Variants in DDIAS observed in about 807,000 individuals in gnomAD.
The protein encoded by DDIAS is DNA damage induced apoptosis suppressor.
In DDIAS, 14 loss-of-function variants were observed where a neutral mutation model predicts 15.7. The observed-to-expected ratio is 0.89, with a 90% CI of 0.59 to 1.39. The LOEUF is 1.39. Ranked by LOEUF, DDIAS falls within the 40% of genes most tolerant of loss-of-function variation. The probability of loss-of-function intolerance (pLI) is 0.00; values close to 1 mark genes in which losing one functional copy is unlikely to be tolerated. For synonymous variants in DDIAS, 355 were observed against 395.9 expected, an observed-to-expected ratio of 0.90 and a Z score of 1.23; for missense variants, 1,035 against 1,130.9, an observed-to-expected ratio of 0.92 and a Z score of 1.22.
chr11:82,929,012 C>A lies in DDIAS; in HGVS notation c.275+74C>A. On this transcript the variant is annotated intron_variant, in intron 4 of 5. Transcript: ENST00000533655. ...AGATACAAGTTTATAAGGCAATATG[C>A]ATTTTTGTAGAAAGATAATCATTCA... The A allele has an allele frequency of 2.7e-6, 4 of 1,478,902 alleles. No individual in the cohort carries two copies. The East Asian group carries it at 7.0e-5, about 26-fold the overall frequency. The allele number at this position is 1,478,902 out of a possible 1,614,324, so 91.6% of individuals were successfully genotyped here.
At chr11:82,902,436 A>G (rs917700613) in intron 1 of DDIAS, among the ~76,000 whole-genome samples, 1 of 142,598 alleles carries the variant, frequency 7.0e-6, no homozygotes, top group Non-Finnish European at 1.5e-5. Flanking sequence ...CAATCTTGCT[A>G]CCTTCCAGTC....
intron 2 of DDIAS, chr11:82,914,187 G>C (rs543867812): frequency 3.9e-6 from 1 of 259,376 alleles, no homozygotes. Context: ...CGCCTGCCTC[G>C]GCCTCCCAAA....
rs1233642415 is a variant in DDIAS at position 82,932,227 on chromosome 11, A to T, written c.889A>T (p.Ser297Cys). The T allele has an allele frequency of 6.2e-7, 1 of 1,613,766 alleles. No individual in the cohort carries two copies. The highest frequency in any genetic ancestry group is 1.3e-5 in the African/African-American group (1 of 74,974). Residue 297 changes from serine to cysteine, a missense_variant, in exon 6 of 6, where the codon AGC (serine) becomes TGC (cysteine). Transcript: ENST00000533655. ...SCHDPIQDSW[S>C]LVSYMDKKST... Reference sequence around the variant, plus strand: ...CCATGATCCCATTCAGGATTCATGGAGCCTTGTTTCATATATGGATAAAAA... The same window carrying T: ...CCATGATCCCATTCAGGATTCATGGTGCCTTGTTTCATATATGGATAAAAA...
At chr11:82,931,125 T>C (rs1860975744) in intron 5 of DDIAS, among the ~76,000 whole-genome samples, 1 of 152,228 alleles carries the variant, frequency 6.6e-6, no homozygotes, top group African/African-American at 2.4e-5. Context: ...TTTATTTTTA[T>C]TTTTATTTTA....
Position 82,933,300 on chromosome 11 carries a change from G to T in DDIAS, c.1962G>T (p.Trp654Cys). 6.2e-7 allele frequency: 1 copy of T among 1,613,818 alleles called. No individual in the cohort carries two copies. Among genetic ancestry groups the T allele is most frequent in the Non-Finnish European group, 8.5e-7 (1 of 1,179,926 alleles). ...RSTNTLKEMP[W>C]GHINNNVTQS... is the part of the protein sequence containing the mutation. ...CAAATACATTGAAAGAAATGCCTTG[G>T]GGACATATCAATAACAACGTAACAC... is the stretch of plus-strand genomic sequence containing the variant. Residue 654 changes from tryptophan (W) to cysteine (C), a missense_variant, in exon 6 of 6, where the codon TGG (tryptophan) becomes TGT (cysteine). Trp to Cys is a radical substitution (Grantham distance 215). Coordinates refer to ENST00000533655, the MANE Select transcript of DDIAS (RefSeq NM_145018.4).
intron 3 of DDIAS, among the ~76,000 whole-genome samples, 161 bp downstream of exon 3, chr11:82,915,012 CTA>C (rs1860605734): frequency 6.6e-6 from 1 of 152,194 alleles, no homozygotes; most frequent in Non-Finnish European, 1.5e-5. Context: ...TGCTAATCCT[CTA>C]TTACTAGAGA....
chr11:82,913,632 G>A, intron 2 of DDIAS: 2 of 396,718 alleles, frequency 5.0e-6, no homozygotes, highest in Middle Eastern at 3.8e-4. Flanking sequence ...TACAAAATCT[G>A]AAGTCTTTTT....
chr11:82,907,563 T>C (rs1183424125), intron 1 of DDIAS, among the ~76,000 whole-genome samples: 1 of 152,244 alleles, frequency 6.6e-6, no homozygotes, highest in African/African-American at 2.4e-5. Flanking sequence ...AATTTTGTTT[T>C]GAGACTAGTC....
intron 3 of DDIAS, among the ~76,000 whole-genome samples, chr11:82,915,992 A>G (rs188749506): frequency 1.3e-5 from 2 of 152,200 alleles, no homozygotes; most frequent in Admixed American, 6.5e-5. Flanking sequence ...AGAATCTGCT[A>G]TAAGTAGTTT....
chr11:82,932,957 C>T lies in DDIAS; in HGVS notation c.1619C>T (p.Ser540Leu). ...SEYFLPNPYLSALSSSSKDLE... is the reference protein window; with the variant it reads ...SEYFLPNPYLLALSSSSKDLE... ...TATTTTTTACCGAATCCTTACCTGT[C>T]AGCTCTGTCTTCATCTTCAAAAGAT... Residue 540 changes from serine to leucine, a missense_variant, in exon 6 of 6, where the codon TCA becomes TTA. Ser to Leu is a moderately radical substitution (Grantham distance 145). Transcript: ENST00000533655. 6.2e-7 allele frequency: 1 copy of T among 1,612,460 alleles called. No individual in the cohort carries two copies. Among genetic ancestry groups the T allele is most frequent in the South Asian group, 1.1e-5 (1 of 90,932 alleles).
chr11:82,924,251 T>G (rs1860812255), intron 3 of DDIAS, among the ~76,000 whole-genome samples: 1 of 152,238 alleles, frequency 6.6e-6, no homozygotes, highest in Non-Finnish European at 1.5e-5. Context: ...GTGTATTTAA[T>G]CTGGGTCTAT....
At chr11:82,907,377 T>C (rs1289080178) in intron 1 of DDIAS, among the ~76,000 whole-genome samples, 2 of 152,088 alleles carry the variant, frequency 1.3e-5, no homozygotes, top group African/African-American at 2.4e-5. Context: ...GGTACAATAG[T>C]ATATGGTGTA....
intron 3 of DDIAS, among the ~76,000 whole-genome samples, chr11:82,917,380 C>T (rs1217001329): frequency 2.7e-5 from 4 of 148,470 alleles, no homozygotes; most frequent in Admixed American, 1.3e-4. Flanking sequence ...TCCCACATAT[C>T]ACTGAGAACA....
Position 82,933,135 on chromosome 11 carries a change from G to A in DDIAS, c.1797G>A (p.Lys599=), listed in dbSNP as rs780178932. The change falls in exon 6 of 6, where the codon AAG becomes AAA. Residue 599 remains lysine, a synonymous_variant. Coordinates refer to ENST00000533655, the MANE Select transcript of DDIAS (RefSeq NM_145018.4). ...AGTTGACAACTCTGTGTTATAGGAAGTATAATGATGTCTCTGATCTTTGCA... is the reference window on the plus strand; with the variant it reads ...AGTTGACAACTCTGTGTTATAGGAAATATAATGATGTCTCTGATCTTTGCA... ...NEKLTTLCYR[K]YNDVSDLCKL... 12 of 1,608,136 alleles carry A rather than the reference G, an allele frequency of 7.5e-6. No homozygotes were observed. In the East Asian group the frequency reaches 1.1e-4, roughly 15 times the overall value.
rs748090095 is a variant in DDIAS at position 82,931,933 on chromosome 11, G to C, written c.595G>C (p.Ala199Pro). 3.1e-6 allele frequency: 5 copies of C among 1,614,044 alleles called. No homozygotes were observed. Among genetic ancestry groups the C allele is most frequent in the Non-Finnish European group, 4.2e-6 (5 of 1,179,984 alleles). ...CAGGAAACTTCAGTGTGACTCTCAG[G>C]CACCTAACAATCACTTACTTGCTTT... ...NFRKLQCDSQAPNNHLLALDH... is the reference protein window; with the variant it reads ...NFRKLQCDSQPPNNHLLALDH... Residue 199 changes from alanine (A) to proline (P), a missense_variant, in exon 6 of 6, where the codon GCA (alanine) becomes CCA (proline). Transcript: ENST00000533655.
At position 82,931,762 on chromosome 11, in the gene DDIAS, G is replaced by C. The variant is rs1195009673; in HGVS notation, c.424G>C (p.Asp142His). 1 of 1,606,684 alleles carries C rather than the reference G, an allele frequency of 6.2e-7. No homozygotes were observed. The highest frequency in any genetic ancestry group is 1.7e-5 in the Admixed American group (1 of 58,212). Reference protein sequence around the residue: ...NFENQPGQGSDASNFLQQCSD... With the variant: ...NFENQPGQGSHASNFLQQCSD... ...TGAAAACCAACCTGGACAAGGTTCA[G>C]ATGCCAGTAACTTCTTACAGCAATG... Residue 142 changes from aspartate (D) to histidine (H), a missense_variant, in exon 6 of 6, where the codon GAT becomes CAT. Physicochemically the swap from Asp to His is moderately conservative, Grantham distance 81 (BLOSUM62 -1). Coordinates refer to ENST00000533655, the MANE Select transcript of DDIAS (RefSeq NM_145018.4).
chr11:82,928,678 T>A, intron 3 of DDIAS, 99 bp from the exon 4 acceptor site: 2 of 1,266,222 alleles, frequency 1.6e-6, no homozygotes, highest in Non-Finnish European at 2.2e-6. Context: ...GGAGCATTTA[T>A]ACACAAAATG....
rs760372098 is a variant in DDIAS at position 82,931,882 on chromosome 11, C to T, written c.544C>T (p.His182Tyr). The change falls in exon 6 of 6, where the codon CAT (histidine) becomes TAT (tyrosine). Residue 182 changes from histidine to tyrosine, a missense_variant. Physicochemically the swap from His to Tyr is moderately conservative, Grantham distance 83. Coordinates refer to ENST00000533655, the MANE Select transcript of DDIAS (RefSeq NM_145018.4). Reference protein sequence around the residue: ...IAGFTVIDYFHQLLQTFNFRK... With the variant: ...IAGFTVIDYFYQLLQTFNFRK... ...AGGCTTTACTGTCATTGACTACTTC[C>T]ATCAACTTTTGCAGACTTTTAATTT... 1 of 1,614,214 alleles carries T rather than the reference C, an allele frequency of 6.2e-7. No homozygotes were observed.
At chr11:82,924,836 T>TA (rs71274459) in intron 3 of DDIAS, among the ~76,000 whole-genome samples, 9,268 of 146,004 alleles carry the variant, frequency 0.063, 388 homozygotes, top group Admixed American at 0.13. Flanking sequence ...TGAATAAAAA[T>TA]AAAAAAAAAA....
Sources: allele counts gnomAD v4.1 joint callset (sites outside exome capture counted in the v4.1 genomes callset), GRCh38; gene constraint gnomAD v4.1.1; transcripts MANE v1.5; gene names NCBI Gene and HGNC (gene_info 2026-07-23, HGNC 2026-07-21).